Variants in PIKFYVE observed in about 807,000 individuals in gnomAD.
PIKFYVE encodes the protein phosphoinositide kinase, FYVE-type zinc finger containing, also known as 1-phosphatidylinositol 3-phosphate 5-kinase.
Under a neutral mutation model 257.9 loss-of-function variants are expected in PIKFYVE, and 122 were observed. That is an observed-to-expected ratio of 0.47 (90% CI 0.41 to 0.55). The LOEUF (loss-of-function observed/expected upper bound fraction) is 0.55, where lower values mean the gene tolerates loss of function less well. Among genes scored for constraint, PIKFYVE ranks in the 20% least tolerant of loss-of-function variants. PIKFYVE has a pLI of 0.00. For synonymous variants in PIKFYVE, 892 were observed against 868.9 expected (o/e 1.03, Z -0.47); for missense variants, 2,160 against 2,536.6 (o/e 0.85, Z 3.19).
intron 29 of PIKFYVE, among the ~76,000 whole-genome samples, chr2:208,338,970 T>C (rs1698438450): frequency 6.6e-6 from 1 of 152,224 alleles, no homozygotes; most frequent in South Asian, 2.1e-4. Context: ...CTTGGTGTCA[T>C]CATAGAAACT....
At chr2:208,305,299 C>G (rs2125366057) in intron 12 of PIKFYVE, 1 of 1,286,830 alleles carries the variant, frequency 7.8e-7, no homozygotes, top group East Asian at 3.7e-5. Context: ...GTGCAACTTC[C>G]AAGGTGGCAT....
chr2:208,314,575 A>G (rs1012977479), intron 14 of PIKFYVE, 152 bp downstream of exon 14: 21 of 1,009,016 alleles, frequency 2.1e-5, no homozygotes, highest in African/African-American at 5.0e-5. Context: ...AATACAGTCT[A>G]TTTTGACTTG....
chr2:208,324,366 C>T (rs1377083710), intron 18 of PIKFYVE, 84 bp downstream of exon 18: 1 of 1,414,498 alleles, frequency 7.1e-7, no homozygotes, highest in Non-Finnish European at 9.9e-7. Context: ...ATACAAGAAT[C>T]TTTTTTTCTT....
chr2:208,292,057 A>ATT lies in PIKFYVE; in HGVS notation c.911+3247_911+3248dup, dbSNP rs913205983. The stretch of plus-strand genomic sequence containing the variant: ...CTTTATATTCTTCTTTGACTCATGT[A>ATT]TTTTTTTTTACAAGTGTGTTGTTTC... On this transcript the variant is annotated intron_variant, in intron 7 of 41. Coordinates refer to ENST00000264380, the MANE Select transcript of PIKFYVE (RefSeq NM_015040.4). Among the ~76,000 whole-genome samples the ATT allele has an allele frequency of 4.0e-5, 6 of 150,814 alleles. 1 individual carries two copies. Among genetic ancestry groups the ATT allele is most frequent in the African/African-American group, 1.5e-4 (6 of 41,080 alleles).
chr2:208,277,466 G>A (rs1315839612), intron 4 of PIKFYVE, 71 bp from the exon 5 acceptor site: 19 of 1,516,672 alleles, frequency 1.3e-5, no homozygotes, highest in Non-Finnish European at 1.6e-5. Context: ...AAACCTTTGA[G>A]GATTTCATTT....
At chr2:208,346,270 A>G in intron 34 of PIKFYVE, 123 bp downstream of exon 34, 1 of 830,744 alleles carries the variant, frequency 1.2e-6, no homozygotes, top group East Asian at 2.7e-5. Context: ...GATCTCTGAA[A>G]TACAAATTTA....
At chr2:208,283,103 C>G (rs1218680915) in intron 5 of PIKFYVE, among the ~76,000 whole-genome samples, 2 of 152,132 alleles carry the variant, frequency 1.3e-5, no homozygotes, top group African/African-American at 4.8e-5. Context: ...GGGAGTAGTA[C>G]ATGTCCCTGG....
rs533758485 is a variant in PIKFYVE at position 208,272,794 on chromosome 2, T to TAA, written c.173-780_173-779dup. Among the ~76,000 whole-genome samples, 24 of 147,090 alleles carry TAA rather than the reference T, an allele frequency of 1.6e-4. 2 individuals are homozygous for TAA. Among genetic ancestry groups the TAA allele is most frequent in the African/African-American group, 4.9e-4 (20 of 40,586 alleles). Reference sequence around the variant, plus strand: ...AGTACATTTTTAAGACAATGATACTTAAAAAAAAAAACTATTTTTTAGAAG... The same window carrying TAA: ...AGTACATTTTTAAGACAATGATACTTAAAAAAAAAAAAACTATTTTTTAGAAG... On this transcript the variant is annotated intron_variant, in intron 2 of 41. Coordinates refer to ENST00000264380, the MANE Select transcript of PIKFYVE (RefSeq NM_015040.4).
intron 38 of PIKFYVE, 91 bp downstream of exon 38, chr2:208,351,546 A>G (rs1699774622): frequency 9.4e-7 from 1 of 1,058,730 alleles, no homozygotes; most frequent in South Asian, 1.3e-5. Context: ...GTGTTGCTAT[A>G]AAGAAATACC....
intron 34 of PIKFYVE, 151 bp downstream of exon 34, chr2:208,346,298 T>G: frequency 1.4e-6 from 1 of 722,806 alleles, no homozygotes; most frequent in Admixed American, 2.4e-5. Flanking sequence ...TTGTATGCCC[T>G]CTTTATACGT....
At chr2:208,332,661 G>A (rs1276571471) in intron 23 of PIKFYVE, among the ~76,000 whole-genome samples, 2 of 152,038 alleles carry the variant, frequency 1.3e-5, no homozygotes, top group South Asian at 2.1e-4. Flanking sequence ...AAATATTCAC[G>A]ATATATTGCT....
chr2:208,266,764 A>T (rs553166810), intron 1 of PIKFYVE, among the ~76,000 whole-genome samples: 2 of 152,170 alleles, frequency 1.3e-5, no homozygotes, highest in African/African-American at 4.8e-5. Flanking sequence ...TGAGTGCATG[A>T]GTTCTGAGTT....
chr2:208,289,078 T>C (rs1691957546), intron 7 of PIKFYVE, among the ~76,000 whole-genome samples: 2 of 152,090 alleles, frequency 1.3e-5, no homozygotes, highest in South Asian at 2.1e-4. Context: ...GTGAAGGATG[T>C]GAGGGAAGGA....
chr2:208,322,437 G>GT (rs112211855), intron 17 of PIKFYVE, among the ~76,000 whole-genome samples: 2,147 of 149,380 alleles, frequency 0.014, 62 homozygotes, highest in African/African-American at 0.05. Context: ...GTGAGGTTAG[G>GT]TTTTTTTGTT....
At position 208,276,759 on chromosome 2, in the gene PIKFYVE, A is replaced by G; in HGVS notation, c.370A>G (p.Thr124Ala). Residue 124 changes from threonine to alanine, a missense_variant, in exon 4 of 42, where the codon ACA becomes GCA. Around this residue, in one of 12 missense-constraint regions of PIKFYVE, gnomAD observed 172 missense variants for 180.6 expected, o/e 0.95. Coordinates refer to ENST00000264380, the MANE Select transcript of PIKFYVE (RefSeq NM_015040.4). ...TACCTTTGGAGGTCATGACCCTCGT[A>G]CAGCTGTTCAGCTTCGAAGCCTCAG... ...EPTFGGHDPR[T>A]AVQLRSLSTV... is the part of the protein sequence containing the mutation. 6.2e-7 allele frequency: 1 copy of G among 1,613,810 alleles called. No individual in the cohort carries two copies.
chr2:208,282,803 G>A (rs1042541750), intron 5 of PIKFYVE, among the ~76,000 whole-genome samples: 7 of 152,198 alleles, frequency 4.6e-5, no homozygotes, highest in Admixed American at 1.3e-4. Flanking sequence ...GACCGGTTTT[G>A]TGGCAGACAG....
intron 7 of PIKFYVE, among the ~76,000 whole-genome samples, chr2:208,295,516 T>G (rs1692855277): frequency 6.6e-6 from 1 of 152,244 alleles, no homozygotes; most frequent in Non-Finnish European, 1.5e-5. Flanking sequence ...TGTAACAGTA[T>G]CTTAGTCTTT....
At chr2:208,291,213 G>C (rs910744640) in intron 7 of PIKFYVE, among the ~76,000 whole-genome samples, 10 of 152,126 alleles carry the variant, frequency 6.6e-5, no homozygotes, top group Non-Finnish European at 2.9e-5. Flanking sequence ...TAATGAAGGA[G>C]TGTTGGATTT....
chr2:208,273,111 A>T (rs557161593), intron 2 of PIKFYVE, among the ~76,000 whole-genome samples: 6 of 152,350 alleles, frequency 3.9e-5, no homozygotes, highest in Admixed American at 3.9e-4. Flanking sequence ...TGTACTGGGA[A>T]CTGTTTTGAT....
Sources: gnomAD v4.1 joint callset for allele counts (sites outside exome capture counted in the v4.1 genomes callset) on GRCh38, gnomAD v4.1.1 for gene constraint, gnomAD v4.1.1 regional missense constraint, MANE v1.5 for transcripts, NCBI Gene and HGNC (gene_info 2026-07-23, HGNC 2026-07-21) for gene names.